Variants in ENOSF1 observed in about 807,000 individuals in gnomAD.
ENOSF1 encodes the protein enolase superfamily member 1.
Under a neutral mutation model 68.2 loss-of-function variants are expected in ENOSF1, and 73 were observed. The observed-to-expected ratio is 1.07, with a 90% CI of 0.89 to 1.30. ENOSF1 has a LOEUF of 1.30. ENOSF1 is among the 50% of genes most tolerant of loss of function. ENOSF1 has a pLI of 0.00. For missense variants in ENOSF1, 589 were observed against 554.5 expected (o/e 1.06, Z -0.62); for synonymous variants, 223 against 210.4 (o/e 1.06, Z -0.52).
intron 13 of ENOSF1, 83 bp downstream of exon 13, chr18:677,660 C>G: frequency 2.0e-6 from 3 of 1,508,676 alleles, no homozygotes; most frequent in Non-Finnish European, 2.7e-6. Flanking sequence ...GACTCCCATG[C>G]ATGTGAATTG....
the ENOSF1 span, among the ~76,000 whole-genome samples, chr18:665,070 T>C: frequency 6.6e-6 from 1 of 152,044 alleles, no homozygotes; most frequent in African/African-American, 2.4e-5. Context: ...TTTCTATTGA[T>C]TGGAATAGTT....
chr18:669,171 G>A (rs753757524), downstream of ENOSF1: 146 of 1,613,756 alleles, frequency 9.0e-5, no homozygotes, highest in Non-Finnish European at 1.2e-4. Context: ...TGGAATCCAA[G>A]AGGTTGAAAG....
intron 2 of ENOSF1, among the ~76,000 whole-genome samples, chr18:702,276 A>AC (rs1444715214): frequency 1.3e-5 from 2 of 149,962 alleles, no homozygotes; most frequent in East Asian, 2.0e-4. Context: ...AAAAAAAAAA[A>AC]AAAAAAAAAA....
downstream of ENOSF1, among the ~76,000 whole-genome samples, chr18:666,780 T>C (rs561363081): frequency 6.6e-6 from 1 of 152,358 alleles, no homozygotes; most frequent in South Asian, 2.1e-4. Context: ...GGCAAGTTCT[T>C]AAAGGCAGAA....
downstream of ENOSF1, among the ~76,000 whole-genome samples, chr18:667,117 GGT>G: frequency 2.2e-5 from 2 of 90,754 alleles, no homozygotes; most frequent in Non-Finnish European, 4.1e-5. Flanking sequence ...AGATGGTGAT[GGT>G]GATGGTGATG....
chr18:691,135 CT>C, intron 6 of ENOSF1, 29 bp from the exon 7 acceptor site: 2 of 1,614,150 alleles, frequency 1.2e-6, no homozygotes, highest in Non-Finnish European at 1.7e-6. Context: ...ATCACTCACT[CT>C]TTTAGGAAAC....
chr18:709,351 G>A (rs1157482608), intron 1 of ENOSF1, among the ~76,000 whole-genome samples: 3 of 152,178 alleles, frequency 2.0e-5, no homozygotes, highest in African/African-American at 4.8e-5. Flanking sequence ...AGGAGGCCAC[G>A]AGGGGAGAGA....
At chr18:677,217 T>G in intron 14 of ENOSF1, 128 bp downstream of exon 14, 1 of 742,492 alleles carries the variant, frequency 1.3e-6, no homozygotes, top group Non-Finnish European at 2.2e-6. Context: ...CAACTCCGCC[T>G]GAGAGTTATA....
chr18:693,025 C>T (rs2077361807), intron 5 of ENOSF1: 2 of 1,251,750 alleles, frequency 1.6e-6, no homozygotes, highest in Non-Finnish European at 2.1e-6. Context: ...ACTGAGGCCA[C>T]CGCAGCTCAG....
chr18:694,981 G>A (rs1378060059), intron 3 of ENOSF1, among the ~76,000 whole-genome samples: 4 of 152,150 alleles, frequency 2.6e-5, no homozygotes, highest in South Asian at 2.1e-4. Flanking sequence ...TTACATAACC[G>A]TAGTACAATA....
At chr18:677,666 A>C (rs765429324) in intron 13 of ENOSF1, 77 bp downstream of exon 13, 9 of 1,529,488 alleles carry the variant, frequency 5.9e-6, no homozygotes, top group Non-Finnish European at 7.9e-6. Flanking sequence ...CATGCATGTG[A>C]ATTGCAAACC....
At chr18:692,640 A>T in intron 5 of ENOSF1, 4 of 738,040 alleles carry the variant, frequency 5.4e-6, no homozygotes, top group Non-Finnish European at 6.6e-6. Flanking sequence ...AAAAGAAAAG[A>T]GTACTGGCAT....
In ENOSF1 at chr18:706,467, C is replaced by A. The variant is rs749807469; in HGVS notation, c.193+3G>T. On this transcript the variant is annotated splice_donor_region_variant and intron_variant, in intron 2 of 15. Transcript: ENST00000647584. ...TGGAACCTCGAGAGAATCTTCAACT[C>A]ACCAACTTCAGTGCCTTTTCCCAGA... 3 of 1,599,602 alleles carry A rather than the reference C, an allele frequency of 1.9e-6. No individual in the cohort carries two copies. Among genetic ancestry groups the A allele is most frequent in the Non-Finnish European group, 2.6e-6 (3 of 1,166,958 alleles).
Position 696,204 on chromosome 18 carries a change from CTTTTTTTTTT to C in ENOSF1, c.309+1026_309+1035del, listed in dbSNP as rs368856668. Among the ~76,000 whole-genome samples, 66 of 118,706 alleles carry C rather than the reference CTTTTTTTTTT, an allele frequency of 5.6e-4. 1 individual carries two copies. The East Asian group carries it at 0.015, about 27-fold the overall frequency. 77.9% of individuals were successfully genotyped at this position (118,706 alleles called of 152,430 possible). On this transcript the variant is annotated intron_variant, in intron 3 of 15. Transcript: ENST00000647584. ...TAATGACCTTCTTTTACATCTCTCT[CTTTTTTTTTT>C]TTTTTTTTTTGTTTTGAGACAGAGT... is the stretch of plus-strand genomic sequence containing the variant.
rs1030485083 is a variant in ENOSF1 at position 673,317 on chromosome 18, T to G, written c.*988A>C. 1.2e-5 allele frequency: 3 copies of G among 242,006 alleles called. No homozygotes were observed. Among genetic ancestry groups the G allele is most frequent in the African/African-American group, 6.6e-5 (3 of 45,284 alleles). The allele number at this position is 242,006 out of a possible 1,614,324, so 15.0% of individuals were successfully genotyped here. ...CAATCCCACGTACTTATAAAGAAGGTTGGTGAATTTCACAAGCTATTTTTG... is the reference window on the plus strand; with the variant it reads ...CAATCCCACGTACTTATAAAGAAGGGTGGTGAATTTCACAAGCTATTTTTG... On this transcript the variant is annotated 3_prime_UTR_variant, in exon 16 of 16. Transcript: ENST00000647584.
In ENOSF1 at chr18:673,068, C is replaced by A; in HGVS notation, c.*1237G>T. 2.1e-6 allele frequency: 3 copies of A among 1,422,534 alleles called. No individual in the cohort carries two copies. Among genetic ancestry groups the A allele is most frequent in the South Asian group, 1.8e-5 (1 of 55,540 alleles). The allele number at this position is 1,422,534 out of a possible 1,614,324, so 88.1% of individuals were successfully genotyped here. ...TGGGCTGGATGCCGAGGTAAAAGTT[C>A]TTTTTGCTCTAAAAGAAAAAGGAAC... On this transcript the variant is annotated 3_prime_UTR_variant, in exon 16 of 16. Coordinates refer to ENST00000647584, the MANE Select transcript of ENOSF1 (RefSeq NM_017512.7).
chr18:706,070 C>CT (rs1247771382), intron 2 of ENOSF1, among the ~76,000 whole-genome samples: 1 of 151,944 alleles, frequency 6.6e-6, no homozygotes, highest in Non-Finnish European at 1.5e-5. Context: ...CACAATGAGC[C>CT]TTTTTTGCTA....
chr18:696,554 A>C (rs1301345791), intron 3 of ENOSF1, among the ~76,000 whole-genome samples: 1 of 151,998 alleles, frequency 6.6e-6, no homozygotes, highest in Non-Finnish European at 1.5e-5. Context: ...TTATTTCTCC[A>C]TAAAGAGATT....
chr18:678,590 A>G, intron 12 of ENOSF1, 106 bp downstream of exon 12: 1 of 1,118,170 alleles, frequency 8.9e-7, no homozygotes, highest in Non-Finnish European at 1.3e-6. Flanking sequence ...TCCCAACTCA[A>G]AGTACAGCAG....
Sources: gnomAD v4.1 joint callset for allele counts (sites outside exome capture counted in the v4.1 genomes callset) on GRCh38, gnomAD v4.1.1 for gene constraint, MANE v1.5 for transcripts, NCBI Gene and HGNC (gene_info 2026-07-23, HGNC 2026-07-21) for gene names.